ST18: variants seen among roughly 807,000 people sequenced by gnomAD.
ST18 encodes the protein suppression of tumorigenicity 18 protein.
In ST18, 50 loss-of-function variants were observed where a neutral mutation model predicts 110.0. The ratio of observed to expected loss-of-function variants is 0.45; its 90% CI spans 0.36 to 0.58. The LOEUF is 0.58. ST18 is among the 20% of genes least tolerant of loss of function. The probability of loss-of-function intolerance (pLI) is 0.00; values close to 1 mark genes in which losing one functional copy is unlikely to be tolerated. For missense variants in ST18, 1,306 were observed against 1,280.1 expected (o/e 1.02, Z -0.31); for synonymous variants, 461 against 452.4 (o/e 1.02, Z -0.24).
At chr8:52,231,274 A>G (rs924118836) in intron 2 of ST18, among the ~76,000 whole-genome samples, 1 of 152,214 alleles carries the variant, frequency 6.6e-6, no homozygotes, top group Non-Finnish European at 1.5e-5. Context: ...TCCTTCCAAC[A>G]GAAGTTTAAG....
chr8:52,327,628 G>A (rs913604633), intron 2 of ST18, among the ~76,000 whole-genome samples: 2 of 152,114 alleles, frequency 1.3e-5, no homozygotes, highest in African/African-American at 4.8e-5. Context: ...TTTAGACACG[G>A]TGCCATTATA....
At chr8:52,198,468 T>G (rs944301242) in intron 8 of ST18, among the ~76,000 whole-genome samples, 1 of 152,168 alleles carries the variant, frequency 6.6e-6, no homozygotes, top group East Asian at 1.9e-4. Flanking sequence ...TGAATAAGAC[T>G]TGTTTGATAC....
At chr8:52,117,644 T>C (rs1486250867) in intron 24 of ST18, among the ~76,000 whole-genome samples, 1 of 152,232 alleles carries the variant, frequency 6.6e-6, no homozygotes, top group Non-Finnish European at 1.5e-5. Flanking sequence ...TGTCTTAAGC[T>C]GTTGTGTGAG....
chr8:52,290,870 C>T lies in ST18; in HGVS notation c.-464-60793G>A, dbSNP rs115745867. On this transcript the variant is annotated intron_variant, in intron 2 of 25. Coordinates refer to ENST00000689386, the MANE Select transcript of ST18 (RefSeq NM_001352837.2). ...ACCACCTTGTTTGTGCTCTCCACCA[C>T]CTTGTTCTCTTCTCGCCTTAGGGCT... 1.8e-3 allele frequency among the ~76,000 whole-genome samples: 272 copies of T among 152,328 alleles called. 2 individuals carry two copies. The highest frequency in any genetic ancestry group is 6.2e-3 in the African/African-American group (258 of 41,568).
At chr8:52,379,153 C>A (rs1833548910) in intron 2 of ST18, among the ~76,000 whole-genome samples, 1 of 148,200 alleles carries the variant, frequency 6.7e-6, no homozygotes, top group South Asian at 2.1e-4. Flanking sequence ...GGCTGAAGTG[C>A]AGTGGCTCAA....
intron 23 of ST18, among the ~76,000 whole-genome samples, chr8:52,121,302 A>G (rs1254636453): frequency 2.6e-5 from 4 of 152,210 alleles, no homozygotes; most frequent in African/African-American, 9.6e-5. Context: ...CATGGGATCT[A>G]ATACGTAACA....
chr8:52,225,198 T>C (rs2088848515), intron 3 of ST18, among the ~76,000 whole-genome samples: 1 of 152,232 alleles, frequency 6.6e-6, no homozygotes, highest in South Asian at 2.1e-4. Context: ...ATGCAAGACC[T>C]ATATTTCTCT....
Position 52,172,566 on chromosome 8 carries a change from G to C in ST18, c.295C>G (p.Pro99Ala). The change falls in exon 10 of 26, where the codon CCT becomes GCT. Residue 99 changes from proline (P) to alanine (A), a missense_variant. By Grantham distance (27) the Pro-to-Ala change is conservative (BLOSUM62 -1). Coordinates refer to ENST00000689386, the MANE Select transcript of ST18 (RefSeq NM_001352837.2). ...GTTGAAAGAAGACTTTCATCCATAG[G>C]TTTTATCATGATTTCCTCTATGGAA... ...HSTAEEIMIK[P>A]MDESLLSTAQ... 1 of 1,572,254 alleles carries C rather than the reference G, an allele frequency of 6.4e-7. No homozygotes were observed. The highest frequency in any genetic ancestry group is 8.6e-7 in the Non-Finnish European group (1 of 1,164,006).
At chr8:52,328,774 A>C (rs1000605695) in intron 2 of ST18, among the ~76,000 whole-genome samples, 3 of 152,196 alleles carry the variant, frequency 2.0e-5, no homozygotes, top group Non-Finnish European at 4.4e-5. Context: ...TAATTTTTCC[A>C]ATAAAAAAAA....
chr8:52,141,367 T>C (rs925563564), intron 17 of ST18, among the ~76,000 whole-genome samples: 1 of 152,160 alleles, frequency 6.6e-6, no homozygotes, highest in East Asian at 1.9e-4. Context: ...GCACAGTGCA[T>C]ATTATGCACC....
chr8:52,295,667 G>A lies in ST18; in HGVS notation c.-464-65590C>T, dbSNP rs115889339. Among the ~76,000 whole-genome samples the A allele has an allele frequency of 6.8e-3, 1,020 of 150,818 alleles. 11 individuals carry two copies. The highest frequency in any genetic ancestry group is 0.024 in the African/African-American group (966 of 41,086). ...AAACACTGAAAAGTAAAGGGGTTTCGGGACAATTTTGAGGCGCAAATGAAA... is the reference window on the plus strand; with the variant it reads ...AAACACTGAAAAGTAAAGGGGTTTCAGGACAATTTTGAGGCGCAAATGAAA... On this transcript the variant is annotated intron_variant, in intron 2 of 25. Coordinates refer to ENST00000689386, the MANE Select transcript of ST18 (RefSeq NM_001352837.2).
chr8:52,160,567 G>A (rs1211215574), intron 14 of ST18, among the ~76,000 whole-genome samples: 1 of 152,174 alleles, frequency 6.6e-6, no homozygotes, highest in Non-Finnish European at 1.5e-5. Flanking sequence ...AGAACTCAAT[G>A]TGCACATTAT....
intron 2 of ST18, among the ~76,000 whole-genome samples, chr8:52,276,424 CACACA>C (rs2095266602): frequency 6.6e-6 from 1 of 151,972 alleles, no homozygotes; most frequent in Non-Finnish European, 1.5e-5. Flanking sequence ...CCACACACCA[CACACA>C]ACACATGCAC....
chr8:52,254,062 C>T (rs2094443367), intron 2 of ST18, among the ~76,000 whole-genome samples: 1 of 151,652 alleles, frequency 6.6e-6, no homozygotes. Flanking sequence ...ACATCAGAAA[C>T]AGAAGTTCAA....
At chr8:52,256,224 C>A (rs548034575) in intron 2 of ST18, among the ~76,000 whole-genome samples, 1 of 152,318 alleles carries the variant, frequency 6.6e-6, no homozygotes, top group African/African-American at 2.4e-5. Context: ...AGCATGTGGG[C>A]TAATATCAGT....
At chr8:52,212,825 G>T (rs1272205249) in intron 7 of ST18, among the ~76,000 whole-genome samples, 1 of 152,148 alleles carries the variant, frequency 6.6e-6, no homozygotes, top group Non-Finnish European at 1.5e-5. Context: ...TCATGCCTGT[G>T]CCAGAGGAAT....
At chr8:52,375,254 AC>A (rs1346707926) in intron 2 of ST18, among the ~76,000 whole-genome samples, 1 of 151,954 alleles carries the variant, frequency 6.6e-6, no homozygotes, top group African/African-American at 2.4e-5. Context: ...ACTTGACTCC[AC>A]TTTCCCTGCA....
chr8:52,190,027 G>T (rs933384784), intron 8 of ST18, among the ~76,000 whole-genome samples: 1 of 152,132 alleles, frequency 6.6e-6, no homozygotes. Flanking sequence ...TACAGGTTGG[G>T]TATCTCAAAT....
rs575297637 is a variant in ST18, at chr8:52,213,320, A to G, written c.55+883T>C. On this transcript the variant is annotated intron_variant, in intron 7 of 25. Transcript: ENST00000689386. Reference sequence around the variant, plus strand: ...CAAACAGGCATTAACTATCTTGACTACATACACAAATATAGATAACGAAAG... The same window carrying G: ...CAAACAGGCATTAACTATCTTGACTGCATACACAAATATAGATAACGAAAG... Among the ~76,000 whole-genome samples, 40 of 152,324 alleles carry G rather than the reference A, an allele frequency of 2.6e-4. 1 individual carries two copies. In the South Asian group the frequency reaches 8.3e-3, roughly 32 times the overall value.
Sources: gnomAD v4.1 joint callset for allele counts (sites outside exome capture counted in the v4.1 genomes callset) on GRCh38, gnomAD v4.1.1 for gene constraint, MANE v1.5 for transcripts, NCBI Gene and HGNC (gene_info 2026-07-23, HGNC 2026-07-21) for gene names.